CALCOCO1: variants seen among roughly 807,000 people sequenced by gnomAD.
CALCOCO1 encodes calcium-binding and coiled-coil domain-containing protein 1.
Under a neutral mutation model 86.3 loss-of-function variants are expected in CALCOCO1, and 44 were observed. That is an observed-to-expected ratio of 0.51 (90% CI 0.40 to 0.66). The LOEUF is 0.66. Ranked by LOEUF, CALCOCO1 falls within the 30% of genes least tolerant of loss-of-function variation. The pLI, the probability that CALCOCO1 is intolerant of heterozygous loss-of-function variation, is 0.00. For missense variants in CALCOCO1, 708 were observed against 851.1 expected (o/e 0.83, Z 2.09); for synonymous variants, 297 against 327.6 (o/e 0.91, Z 1.01).
Position 53,710,414 on chromosome 12 carries a change from G to C in CALCOCO1, c.*1530C>G, listed in dbSNP as rs1002448916. On this transcript the variant is annotated 3_prime_UTR_variant, in exon 15 of 15. Coordinates refer to ENST00000550804, the MANE Select transcript of CALCOCO1 (RefSeq NM_020898.3). ...CCTGAAGGGAGAGGAGGGCAGCTGA[G>C]AAGGGAGCTATTGGGTTGGAGGACG... 6.5e-6 allele frequency: 1 copy of C among 152,788 alleles called. No individual in the cohort carries two copies. Among genetic ancestry groups the C allele is most frequent in the Non-Finnish European group, 1.5e-5 (1 of 68,268 alleles). 9.5% of individuals were successfully genotyped at this position (152,788 alleles called of 1,614,324 possible).
Position 53,712,137 on chromosome 12 carries a change from G to T in CALCOCO1, c.1899-16C>A, listed in dbSNP as rs1415775955. 1.9e-6 allele frequency: 3 copies of T among 1,583,112 alleles called. No homozygotes were observed. The highest frequency in any genetic ancestry group is 1.7e-6 in the Non-Finnish European group (2 of 1,163,386). ...TGTAAAGCCACTAAGAGAGACAGAG[G>T]GGAAAGGGAGAGGGTCGGCGTGCTC... On this transcript the variant is annotated splice_polypyrimidine_tract_variant and intron_variant, in intron 14 of 14. Coordinates refer to ENST00000550804, the MANE Select transcript of CALCOCO1 (RefSeq NM_020898.3).
In CALCOCO1 at chr12:53,711,774, A is replaced by T; in HGVS notation, c.*170T>A. On this transcript the variant is annotated 3_prime_UTR_variant, in exon 15 of 15. Coordinates refer to ENST00000550804, the MANE Select transcript of CALCOCO1 (RefSeq NM_020898.3). ...GGACAAAAGAGCCAGGTAGGAGAGG[A>T]TGAAGTGAGAAATCTTGGGATGAAA... 1 of 554,532 alleles carries T rather than the reference A, an allele frequency of 1.8e-6. No individual in the cohort carries two copies. The highest frequency in any genetic ancestry group is 2.9e-6 in the Non-Finnish European group (1 of 341,730). The allele number at this position is 554,532 out of a possible 1,614,324, so 34.4% of individuals were successfully genotyped here.
In CALCOCO1 at chr12:53,713,124, C is replaced by T. The variant is rs1402352023; in HGVS notation, c.1874G>A (p.Gly625Asp). 1.2e-6 allele frequency: 2 copies of T among 1,613,966 alleles called. No individual in the cohort carries two copies. The highest frequency in any genetic ancestry group is 2.7e-5 in the African/African-American group (2 of 74,924). ...EEANLLLPEL[G>D]SAFYDMASGF... is the part of the protein sequence containing the mutation. ...CCTGGCCATGTCATAGAAGGCACTG[C>T]CCAGTTCAGGAAGCAGTAAGTTGGC... Residue 625 changes from glycine (G) to aspartate (D), a missense_variant, in exon 14 of 15, where the codon GGC becomes GAC. Physicochemically the swap from Gly to Asp is moderately conservative, Grantham distance 94. Transcript: ENST00000550804.
At chr12:53,721,417 G>C in intron 6 of CALCOCO1, 50 bp downstream of exon 6, 1 of 1,522,218 alleles carries the variant, frequency 6.6e-7, no homozygotes, top group Non-Finnish European at 8.8e-7. Flanking sequence ...GCTGGAGTGC[G>C]GGGGTCATGG....
chr12:53,716,125 C>T, intron 8 of CALCOCO1, 78 bp from the exon 9 acceptor site: 1 of 1,589,014 alleles, frequency 6.3e-7, no homozygotes, highest in Non-Finnish European at 8.6e-7. Context: ...GCTCCCTCCA[C>T]TCCACTGCAT....
intron 6 of CALCOCO1, among the ~76,000 whole-genome samples, 160 bp downstream of exon 6, chr12:53,721,307 C>T (rs963649412): frequency 1.3e-5 from 2 of 152,026 alleles, no homozygotes; most frequent in East Asian, 3.8e-4. Flanking sequence ...GTAGAGAGCT[C>T]GGCAGAAAAG....
At chr12:53,717,869 C>CA (rs1593084743) in intron 7 of CALCOCO1, among the ~76,000 whole-genome samples, 1 of 152,006 alleles carries the variant, frequency 6.6e-6, no homozygotes, top group African/African-American at 2.4e-5. Context: ...ACTAAAAATA[C>CA]AAAAAATTAG....
chr12:53,714,811 G>A, intron 10 of CALCOCO1, 118 bp from the exon 11 acceptor site: 1 of 681,284 alleles, frequency 1.5e-6, no homozygotes, highest in Non-Finnish European at 2.6e-6. Context: ...CTTCTTCCCT[G>A]CTCTGACACA....
At chr12:53,714,368 G>A (rs1053176947) in intron 11 of CALCOCO1, 127 bp from the exon 12 acceptor site, 11 of 712,286 alleles carry the variant, frequency 1.5e-5, no homozygotes, top group Non-Finnish European at 2.4e-5. Context: ...CAAAGATTGG[G>A]GCAACTTCAG....
Position 53,715,183 on chromosome 12 carries a change from GT to G in CALCOCO1, c.1386+16del, listed in dbSNP as rs745344444. ...AGGAGGCCATAGGACAGGACCCTTG[GT>G]GGCTGGATGCCTCACCAGGCTAGAA... On this transcript the variant is annotated intron_variant, in intron 10 of 14. Transcript: ENST00000550804. 4.7e-5 allele frequency: 76 copies of G among 1,613,758 alleles called. No individual in the cohort carries two copies. In the African/African-American group the frequency reaches 8.7e-4, roughly 18 times the overall value.
At position 53,710,054 on chromosome 12, in the gene CALCOCO1, T is replaced by C. The variant is rs1945518780; in HGVS notation, c.*1890A>G. Reference sequence around the variant, plus strand: ...GATGGGGGGAATCCCAGGCGGGTGATGGATGCCTCTGTCAGCCCAGCTCGT... The same window carrying C: ...GATGGGGGGAATCCCAGGCGGGTGACGGATGCCTCTGTCAGCCCAGCTCGT... On this transcript the variant is annotated 3_prime_UTR_variant, in exon 15 of 15. Coordinates refer to ENST00000550804, the MANE Select transcript of CALCOCO1 (RefSeq NM_020898.3). The C allele has an allele frequency of 6.6e-6, 1 of 152,138 alleles. No individual in the cohort carries two copies. The highest frequency in any genetic ancestry group is 2.1e-4 in the South Asian group (1 of 4,832). 9.4% of individuals were successfully genotyped at this position (152,138 alleles called of 1,614,324 possible). A position where few individuals can be genotyped will look rare whatever the true frequency, so the allele number is the denominator to read the frequency against.
Position 53,711,750 on chromosome 12 carries a change from G to T in CALCOCO1, c.*194C>A. The T allele has an allele frequency of 2.0e-6, 1 of 488,800 alleles. No homozygotes were observed. Among genetic ancestry groups the T allele is most frequent in the Non-Finnish European group, 3.4e-6 (1 of 291,590 alleles). 30.3% of individuals were successfully genotyped at this position (488,800 alleles called of 1,614,324 possible). A position where few individuals can be genotyped will look rare whatever the true frequency, so the allele number is the denominator to read the frequency against. On this transcript the variant is annotated 3_prime_UTR_variant, in exon 15 of 15. Transcript: ENST00000550804. ...GCTTCCGAACAGGACCCCTCCCTGG[G>T]ACAAAAGAGCCAGGTAGGAGAGGAT...
intron 12 of CALCOCO1, 74 bp downstream of exon 12, chr12:53,714,059 G>T: frequency 2.2e-6 from 3 of 1,386,446 alleles, no homozygotes; most frequent in South Asian, 1.2e-5. Flanking sequence ...CTCCCAGCAA[G>T]GTTACATGGA....
chr12:53,723,895 T>A, intron 3 of CALCOCO1, 112 bp from the exon 4 acceptor site: 1 of 865,160 alleles, frequency 1.2e-6, no homozygotes, highest in Non-Finnish European at 1.8e-6. Flanking sequence ...CCACAGGCCA[T>A]ACTCTTCTCC....
In CALCOCO1 at chr12:53,724,194, C is replaced by A. The variant is rs551331984; in HGVS notation, c.260-411G>T. 1.1e-4 allele frequency: 49 copies of A among 446,842 alleles called. No individual in the cohort carries two copies. The East Asian group carries it at 2.4e-3, about 22-fold the overall frequency. The allele number at this position is 446,842 out of a possible 1,614,324, so 27.7% of individuals were successfully genotyped here. A position where few individuals can be genotyped will look rare whatever the true frequency, so the allele number is the denominator to read the frequency against. On this transcript the variant is annotated intron_variant, in intron 3 of 14. Coordinates refer to ENST00000550804, the MANE Select transcript of CALCOCO1 (RefSeq NM_020898.3). ...TACAGGCATGCACCACCACGCCTGGCCTGCAGCTTTCATTTTAAATCCTCG... is the reference window on the plus strand; with the variant it reads ...TACAGGCATGCACCACCACGCCTGGACTGCAGCTTTCATTTTAAATCCTCG...
chr12:53,713,757 G>A lies in CALCOCO1; in HGVS notation c.1735C>T (p.Pro579Ser). Reference sequence around the variant, plus strand: ...GAGAGGTGAGGAGAAATGGGAGCCGGCTGGCTGATGACAACAAGGGGAGAA... The same window carrying A: ...GAGAGGTGAGGAGAAATGGGAGCCGACTGGCTGATGACAACAAGGGGAGAA... ...EASPLVVISQ[P>S]APISPHLSGP... Residue 579 changes from proline (P) to serine (S), a missense_variant, in exon 13 of 15, where the codon CCG (proline) becomes TCG (serine). By Grantham distance (74) the Pro-to-Ser change is moderately conservative. Coordinates refer to ENST00000550804, the MANE Select transcript of CALCOCO1 (RefSeq NM_020898.3). 1 of 1,606,184 alleles carries A rather than the reference G, an allele frequency of 6.2e-7. No individual in the cohort carries two copies. Among genetic ancestry groups the A allele is most frequent in the Non-Finnish European group, 8.5e-7 (1 of 1,176,308 alleles).
In CALCOCO1 at chr12:53,710,118, G is replaced by A. The variant is rs534647686; in HGVS notation, c.*1826C>T. ...CTTAATACGGGAAGCAATAAAGGAA[G>A]AGAGGGATTCTATTAATTAAATCAT... On this transcript the variant is annotated 3_prime_UTR_variant, in exon 15 of 15. Coordinates refer to ENST00000550804, the MANE Select transcript of CALCOCO1 (RefSeq NM_020898.3). The A allele has an allele frequency of 6.6e-6, 1 of 152,300 alleles. No individual in the cohort carries two copies. Among genetic ancestry groups the A allele is most frequent in the Admixed American group, 6.5e-5 (1 of 15,302 alleles). 9.4% of individuals were successfully genotyped at this position (152,300 alleles called of 1,614,324 possible).
chr12:53,712,643 C>CTT, intron 14 of CALCOCO1: 1 of 371,074 alleles, frequency 2.7e-6, no homozygotes, highest in Non-Finnish European at 4.6e-6. Context: ...AAGGGTTACC[C>CTT]AGGGAAGTCA....
intron 5 of CALCOCO1, 138 bp from the exon 6 acceptor site, chr12:53,721,753 T>C (rs1945874229): frequency 2.7e-6 from 3 of 1,102,390 alleles, no homozygotes; most frequent in East Asian, 4.7e-5. Context: ...AAAAAGAAAC[T>C]GTAAGGGAAC....
Sources: allele counts gnomAD v4.1 joint callset (sites outside exome capture counted in the v4.1 genomes callset), GRCh38; gene constraint gnomAD v4.1.1; transcripts MANE v1.5; gene names NCBI Gene and HGNC (gene_info 2026-07-23, HGNC 2026-07-21).